SLC4A5: variants seen among roughly 807,000 people sequenced by gnomAD.
The protein encoded by SLC4A5 is solute carrier family 4 member 5.
A neutral mutation model predicts 120.4 loss-of-function variants in SLC4A5; 96 were observed. That is an observed-to-expected ratio of 0.80 (90% CI 0.68 to 0.94). The LOEUF is 0.94. SLC4A5 is among the 40% of genes least tolerant of loss of function. The pLI is 0.00. For missense variants in SLC4A5, 1,259 were observed against 1,459.5 expected, an observed-to-expected ratio of 0.86 and a Z score of 2.24; for synonymous variants, 550 against 571.1, an observed-to-expected ratio of 0.96 and a Z score of 0.53.
At chr2:74,228,949 C>T (rs1168224006) in intron 25 of SLC4A5, among the ~76,000 whole-genome samples, 3 of 152,122 alleles carry the variant, frequency 2.0e-5, no homozygotes, top group Non-Finnish European at 4.4e-5. Context: ...TACCTTCTCT[C>T]TTTCACCTGC....
At chr2:74,300,345 C>T (rs938632820) in intron 7 of SLC4A5, among the ~76,000 whole-genome samples, 2 of 152,162 alleles carry the variant, frequency 1.3e-5, no homozygotes, top group African/African-American at 4.8e-5. Context: ...TTACCATACA[C>T]TCGCACAAAG....
At chr2:74,232,621 C>T (rs374679448) in exon 24 of SLC4A5, 1 of 1,613,726 alleles carries the variant, frequency 6.2e-7, no homozygotes, top group Non-Finnish European at 8.5e-7. Context: ...CCACCCAGAA[C>T]AGGTCCAGAT....
Position 74,233,105 on chromosome 2 carries a change from T to C in SLC4A5, c.2595+297A>G, listed in dbSNP as rs916354686. ...GCCTCAGTGTTCTAGGCTGAGCCCCTGTCAGGATCTGCTGATTCTCATAAG... is the reference window on the plus strand; with the variant it reads ...GCCTCAGTGTTCTAGGCTGAGCCCCCGTCAGGATCTGCTGATTCTCATAAG... On this transcript the variant is annotated intron_variant, in intron 23 of 30. Transcript: ENST00000394019. 2.0e-5 allele frequency among the ~76,000 whole-genome samples: 3 copies of C among 152,176 alleles called. No homozygotes were observed. The East Asian group carries it at 5.8e-4, about 29-fold the overall frequency.
chr2:74,270,063 G>T (rs1240121715), intron 8 of SLC4A5, among the ~76,000 whole-genome samples: 2 of 152,132 alleles, frequency 1.3e-5, no homozygotes, highest in Non-Finnish European at 2.9e-5. Context: ...TAAATTACTT[G>T]TCTCCAATTT....
At chr2:74,290,602 CAGAGAG>C in intron 7 of SLC4A5, 13 of 924,128 alleles carry the variant, frequency 1.4e-5, no homozygotes, top group Non-Finnish European at 1.6e-5. Context: ...GAGAGAGAGA[CAGAGAG>C]AGAGACAGAG....
intron 4 of SLC4A5, among the ~76,000 whole-genome samples, chr2:74,330,892 G>A (rs1673346638): frequency 9.8e-6 from 1 of 102,554 alleles, no homozygotes; most frequent in Non-Finnish European, 2.2e-5. Flanking sequence ...TCTAGATGTG[G>A]GTGGTGAGGT....
intron 16 of SLC4A5, chr2:74,250,913 A>G: frequency 5.6e-6 from 1 of 179,770 alleles, no homozygotes; most frequent in East Asian, 1.5e-4. Flanking sequence ...GAAGCATCCC[A>G]GATTATAACA....
intron 5 of SLC4A5, among the ~76,000 whole-genome samples, chr2:74,318,632 G>A (rs1433697190): frequency 6.6e-6 from 1 of 151,724 alleles, no homozygotes; most frequent in Non-Finnish European, 1.5e-5. Context: ...GTTGCAGACC[G>A]AGATTGTGCC....
chr2:74,232,546 G>A (rs760412943), exon 24 of SLC4A5: 27 of 1,613,916 alleles, frequency 1.7e-5, no homozygotes, highest in Non-Finnish European at 2.3e-5. Flanking sequence ...TGTGGGCGAT[G>A]GAGATGACCG....
intron 8 of SLC4A5, among the ~76,000 whole-genome samples, chr2:74,269,855 C>G (rs180823655): frequency 1.3e-5 from 2 of 152,170 alleles, no homozygotes; most frequent in African/African-American, 2.4e-5. Flanking sequence ...GCAACTCCAC[C>G]TGAAGGAGTG....
chr2:74,330,864 G>T (rs1573111654), intron 4 of SLC4A5, among the ~76,000 whole-genome samples: 1 of 46,392 alleles, frequency 2.2e-5, no homozygotes, highest in Non-Finnish European at 4.5e-5. Context: ...AGGTGGTGAG[G>T]TATAGGAGGT....
chr2:74,264,430 C>A, intron 9 of SLC4A5, 131 bp from the exon 10 acceptor site: 1 of 1,095,290 alleles, frequency 9.1e-7, no homozygotes, highest in East Asian at 2.6e-5. Context: ...CTGGCTTTGC[C>A]ACTAGCTGTG....
chr2:74,222,766 T>C lies in SLC4A5; in HGVS notation c.3331+102A>G. 2.8e-6 allele frequency: 3 copies of C among 1,085,186 alleles called. No individual in the cohort carries two copies. The South Asian group carries it at 3.9e-5, about 14-fold the overall frequency. The allele number at this position is 1,085,186 out of a possible 1,614,324, so 67.2% of individuals were successfully genotyped here. On this transcript the variant is annotated intron_variant, in intron 29 of 30. Transcript: ENST00000394019. Reference sequence around the variant, plus strand: ...AAAGTTGGGGACTGCTGCTCTAGCATCCAAAATGATTAGATCCCCCTGAGT... The same window carrying C: ...AAAGTTGGGGACTGCTGCTCTAGCACCCAAAATGATTAGATCCCCCTGAGT...
intron 11 of SLC4A5, among the ~76,000 whole-genome samples, chr2:74,261,177 C>T (rs977649253): frequency 6.6e-6 from 1 of 152,196 alleles, no homozygotes; most frequent in Non-Finnish European, 1.5e-5. Flanking sequence ...ATCATCCATT[C>T]GTGCCTCTTG....
At chr2:74,302,617 AAAAATATAT>A (rs1672507024) in intron 7 of SLC4A5, among the ~76,000 whole-genome samples, 1 of 152,258 alleles carries the variant, frequency 6.6e-6, no homozygotes, top group Non-Finnish European at 1.5e-5. Context: ...ACTGCGTCTC[AAAAATATAT>A]ATATGCCAAA....
intron 25 of SLC4A5, among the ~76,000 whole-genome samples, chr2:74,228,592 T>C (rs1302957668): frequency 6.6e-6 from 1 of 152,076 alleles, no homozygotes; most frequent in South Asian, 2.1e-4. Context: ...ATCGTGCTAC[T>C]GAACTCCAGC....
At chr2:74,294,976 T>G (rs1436780927) in intron 7 of SLC4A5, among the ~76,000 whole-genome samples, 1 of 152,146 alleles carries the variant, frequency 6.6e-6, no homozygotes, top group Non-Finnish European at 1.5e-5. Context: ...TGGCCCTCTT[T>G]CAGTTCTTTT....
At chr2:74,324,365 A>G (rs1223185537) in intron 5 of SLC4A5, among the ~76,000 whole-genome samples, 1 of 152,126 alleles carries the variant, frequency 6.6e-6, no homozygotes, top group Non-Finnish European at 1.5e-5. Flanking sequence ...GGCTCAAGCA[A>G]TCCTTCCATC....
intron 2 of SLC4A5, chr2:74,339,751 T>C (rs1177837222): frequency 1.3e-5 from 2 of 152,250 alleles, no homozygotes; most frequent in African/African-American, 4.8e-5. Flanking sequence ...TATCCCAATG[T>C]GCATATCAGC....
Sources: gnomAD v4.1 joint callset for allele counts (sites outside exome capture counted in the v4.1 genomes callset) on GRCh38, gnomAD v4.1.1 for gene constraint, MANE v1.5 for transcripts, NCBI Gene and HGNC (gene_info 2026-07-23, HGNC 2026-07-21) for gene names.